INSIG1: variants seen among roughly 807,000 people sequenced by gnomAD.
INSIG1 encodes the protein insulin-induced gene 1 protein.
INSIG1 carries 14 observed loss-of-function variants against 26.5 expected under a neutral mutation model. The observed-to-expected ratio is 0.53, with a 90% CI of 0.35 to 0.83. INSIG1 has a LOEUF of 0.83. Ranked by LOEUF, INSIG1 falls within the 40% of genes least tolerant of loss-of-function variation. The pLI is 0.01. For missense variants in INSIG1, 272 were observed against 368.9 expected, an observed-to-expected ratio of 0.74 and a Z score of 2.15; for synonymous variants, 147 against 153.3, an observed-to-expected ratio of 0.96 and a Z score of 0.30.
chr7:155,303,335 G>T (rs1466524635), intron 5 of INSIG1, among the ~76,000 whole-genome samples: 1 of 152,232 alleles, frequency 6.6e-6, no homozygotes, highest in Non-Finnish European at 1.5e-5. Context: ...TGCAGAGTCT[G>T]TCTCGGGCCA....
At position 155,298,392 on chromosome 7, in the gene INSIG1, AGAT is replaced by A; in HGVS notation, c.111_113del (p.Met37del). 1 of 1,563,088 alleles carries A rather than the reference AGAT, an allele frequency of 6.4e-7. No homozygotes were observed. The highest frequency in any genetic ancestry group is 8.7e-7 in the Non-Finnish European group (1 of 1,155,584). ...GCGGGGCTGGCGGCCAAGGTTGGGG[AGAT>A]GATCAACGTTTCCGTGTCCGGGCCC... On this transcript the variant is annotated inframe_deletion, in exon 2 of 6. Coordinates refer to ENST00000340368, the MANE Select transcript of INSIG1 (RefSeq NM_005542.6).
chr7:155,298,294 A>T lies in INSIG1; in HGVS notation c.9A>T (p.Arg3Ser). Residue 3 changes from arginine (R) to serine (S), a missense_variant, in exon 2 of 6, where the codon AGA becomes AGT. This residue lies in a region of INSIG1 where 161 missense variants were observed against 179.2 expected (regional missense o/e 0.90). Coordinates refer to ENST00000340368, the MANE Select transcript of INSIG1 (RefSeq NM_005542.6). ...TTGGACGCGTGTGACCGATGCCCAG[A>T]TTGCACGACCACTTCTGGAGCTGCT... The part of the protein sequence containing the change: MP[R>S]LHDHFWSCSC... 6.7e-7 allele frequency: 1 copy of T among 1,487,314 alleles called. No individual in the cohort carries two copies. The highest frequency in any genetic ancestry group is 8.9e-7 in the Non-Finnish European group (1 of 1,124,526). The allele number at this position is 1,487,314 out of a possible 1,614,324, so 92.1% of individuals were successfully genotyped here.
intron 5 of INSIG1, chr7:155,303,976 CTTTTTTTTTTT>C: frequency 3.8e-6 from 1 of 261,568 alleles, no homozygotes; most frequent in Non-Finnish European, 6.7e-6. Flanking sequence ...CTTTGCTTGC[CTTTTTTTTTTT>C]TTTTTTTTTT....
chr7:155,298,433 GC>G lies in INSIG1; in HGVS notation c.151del (p.His51ThrfsTer17). Reference protein sequence around the residue: ...VSVSGPSLLAAHGAPDADPAP... With the variant: ...VSVSGPSLLAXHGAPDADPAP... Reference sequence around the variant, plus strand: ...CGTGTCCGGGCCCTCCCTGCTGGCGGCCCACGGTGCCCCGGACGCTGACCCC... The same window carrying G: ...CGTGTCCGGGCCCTCCCTGCTGGCGGCCACGGTGCCCCGGACGCTGACCCC... On this transcript the variant is annotated frameshift_variant, in exon 2 of 6. Coordinates refer to ENST00000340368, the MANE Select transcript of INSIG1 (RefSeq NM_005542.6). LOFTEE classifies it high-confidence loss of function. 6.4e-7 allele frequency: 1 copy of G among 1,554,474 alleles called. No homozygotes were observed.
At position 155,298,327 on chromosome 7, in the gene INSIG1, G is replaced by C; in HGVS notation, c.42G>C (p.Ala14=). 6.6e-7 allele frequency: 1 copy of C among 1,509,790 alleles called. No homozygotes were observed. Among genetic ancestry groups the C allele is most frequent in the South Asian group, 1.4e-5 (1 of 73,570 alleles). 93.5% of individuals were successfully genotyped at this position (1,509,790 alleles called of 1,614,324 possible). The part of the protein sequence containing the change: ...LHDHFWSCSC[A]HSARRRGPPR... Reference sequence around the variant, plus strand: ...ACCACTTCTGGAGCTGCTCCTGTGCGCACAGCGCGAGGCGCCGAGGCCCCC... The same window carrying C: ...ACCACTTCTGGAGCTGCTCCTGTGCCCACAGCGCGAGGCGCCGAGGCCCCC... Residue 14 remains alanine (A), a synonymous_variant, in exon 2 of 6, where the codon GCG becomes GCC. Transcript: ENST00000340368.
chr7:155,308,302 A>G lies in INSIG1; in HGVS notation c.*32A>G, dbSNP rs1390541708. The G allele has an allele frequency of 1.9e-6, 3 of 1,612,606 alleles. No individual in the cohort carries two copies. The African/African-American group carries it at 4.0e-5, about 22-fold the overall frequency. ...AAAACCACCGATTCTGAGAGCAAGGAAGATTTTGGAAGAAAATCTGACTGT... is the reference window on the plus strand; with the variant it reads ...AAAACCACCGATTCTGAGAGCAAGGGAGATTTTGGAAGAAAATCTGACTGT... On this transcript the variant is annotated 3_prime_UTR_variant, in exon 6 of 6. Transcript: ENST00000340368.
Position 155,308,750 on chromosome 7 carries a change from C to A in INSIG1, c.*480C>A, listed in dbSNP as rs368030807. The stretch of plus-strand genomic sequence containing the variant: ...ATAGGGCTGTGTTTAAAAAAAAAAA[C>A]AAAACAAGAAAAGCAGCAGTGATTA... On this transcript the variant is annotated 3_prime_UTR_variant, in exon 6 of 6. Transcript: ENST00000340368. 7.5e-4 allele frequency: 117 copies of A among 156,226 alleles called. No homozygotes were observed. The highest frequency in any genetic ancestry group is 4.3e-3 in the South Asian group (23 of 5,304). 9.7% of individuals were successfully genotyped at this position (156,226 alleles called of 1,614,324 possible).
intron 5 of INSIG1, among the ~76,000 whole-genome samples, chr7:155,306,197 G>A (rs552459223): frequency 2.6e-5 from 4 of 152,080 alleles, no homozygotes; most frequent in South Asian, 2.1e-4. Context: ...ACGGGGTTTC[G>A]CCACGTTGGC....
Position 155,302,529 on chromosome 7 carries a change from C to A in INSIG1, c.704+112C>A. On this transcript the variant is annotated intron_variant, in intron 4 of 5. Transcript: ENST00000340368. This position sits in a 1 kb window ranked among gnomAD's most constrained non-coding sequence, Gnocchi z 4.3. ...TATTTGTTTTTTATATAGAATGATACAGATTTAGGCATGAAATTCTCAAAA... is the reference window on the plus strand; with the variant it reads ...TATTTGTTTTTTATATAGAATGATAAAGATTTAGGCATGAAATTCTCAAAA... 8.6e-7 allele frequency: 1 copy of A among 1,165,624 alleles called. No homozygotes were observed. Among genetic ancestry groups the A allele is most frequent in the Non-Finnish European group, 1.2e-6 (1 of 849,396 alleles). The allele number at this position is 1,165,624 out of a possible 1,614,324, so 72.2% of individuals were successfully genotyped here.
rs146265737 is a variant in INSIG1 at position 155,300,872 on chromosome 7, C to T, written c.413-694C>T. Among the ~76,000 whole-genome samples, 89 of 152,306 alleles carry T rather than the reference C, an allele frequency of 5.8e-4. No homozygotes were observed. In the Middle Eastern group the frequency reaches 0.014, roughly 23 times the overall value. On this transcript the variant is annotated intron_variant, in intron 2 of 5. Transcript: ENST00000340368. ...TCTCTTCTTGGTCTGGTGTTCTTTC[C>T]GCAGCTTGAGGCTTGACCATGCGGG...
intron 5 of INSIG1, among the ~76,000 whole-genome samples, chr7:155,304,249 C>G (rs1263051029): frequency 3.3e-5 from 5 of 152,208 alleles, no homozygotes; most frequent in Non-Finnish European, 5.9e-5. Context: ...TAGGCGTGAG[C>G]CTGGCCTTGC....
rs551976650 is a variant in INSIG1 at position 155,298,235 on chromosome 7, A to T, written c.-27-24A>T. 63 of 1,427,508 alleles carry T rather than the reference A, an allele frequency of 4.4e-5. 1 individual carries two copies. The South Asian group carries it at 8.7e-4, about 20-fold the overall frequency. The allele number at this position is 1,427,508 out of a possible 1,614,324, so 88.4% of individuals were successfully genotyped here. A position where few individuals can be genotyped will look rare whatever the true frequency, so the allele number is the denominator to read the frequency against. ...CCTCGCTCTTTGTCTCTTCTGAGTG[A>T]ACTTGATGACCCCCTTCTTCCAGGA... On this transcript the variant is annotated intron_variant, in intron 1 of 5. Transcript: ENST00000340368.
chr7:155,304,871 C>T (rs1797892577), intron 5 of INSIG1, among the ~76,000 whole-genome samples: 1 of 151,944 alleles, frequency 6.6e-6, no homozygotes, highest in Non-Finnish European at 1.5e-5. Flanking sequence ...GGCGCGGTGG[C>T]TCACGCCTTT....
At chr7:155,303,975 C>CA in intron 5 of INSIG1, 1 of 387,494 alleles carries the variant, frequency 2.6e-6, no homozygotes, top group Non-Finnish European at 3.8e-6. Flanking sequence ...ACTTTGCTTG[C>CA]CTTTTTTTTT....
At chr7:155,304,312 T>A (rs1296230851) in intron 5 of INSIG1, among the ~76,000 whole-genome samples, 1 of 152,232 alleles carries the variant, frequency 6.6e-6, no homozygotes, top group Non-Finnish European at 1.5e-5. Context: ...AATAGTATGT[T>A]GTTTTCATGC....
rs1390345205 is a variant in INSIG1 at position 155,308,214 on chromosome 7, C to A, written c.805-27C>A. 3.3e-6 allele frequency: 4 copies of A among 1,222,210 alleles called. No homozygotes were observed. In the Admixed American group the frequency reaches 6.1e-5, roughly 19 times the overall value. 75.7% of individuals were successfully genotyped at this position (1,222,210 alleles called of 1,614,324 possible). A position where few individuals can be genotyped will look rare whatever the true frequency, so the allele number is the denominator to read the frequency against. ...TACATTTAGTGCTAATTTTCTCTTT[C>A]CTTTTTTTTTTCCTTTCTACACATA... On this transcript the variant is annotated intron_variant, in intron 5 of 5. Transcript: ENST00000340368.
At chr7:155,303,348 G>A (rs1447315113) in intron 5 of INSIG1, among the ~76,000 whole-genome samples, 1 of 152,256 alleles carries the variant, frequency 6.6e-6, no homozygotes, top group East Asian at 1.9e-4. Context: ...TCGGGCCAGG[G>A]CAGGGACTAA....
At chr7:155,301,204 C>G (rs984842206) in intron 2 of INSIG1, among the ~76,000 whole-genome samples, 6 of 152,310 alleles carry the variant, frequency 3.9e-5, no homozygotes, top group Admixed American at 1.3e-4. Flanking sequence ...GATGAAAAGA[C>G]AAGGTGAACT....
chr7:155,302,715 C>A lies in INSIG1; in HGVS notation c.705-32C>A. 7.0e-7 allele frequency: 1 copy of A among 1,426,816 alleles called. No homozygotes were observed. Among genetic ancestry groups the A allele is most frequent in the Non-Finnish European group, 9.9e-7 (1 of 1,010,818 alleles). The allele number at this position is 1,426,816 out of a possible 1,614,324, so 88.4% of individuals were successfully genotyped here. ...GTAGAATTGAGCCAGGTGAAATTGA[C>A]TGCTAAGGTACAGTTTCTTTTCTCG... On this transcript the variant is annotated intron_variant, in intron 4 of 5. Coordinates refer to ENST00000340368, the MANE Select transcript of INSIG1 (RefSeq NM_005542.6). The surrounding 1 kb of genome is among the most constrained non-coding windows in gnomAD (Gnocchi z 4.3).
Sources: allele counts gnomAD v4.1 joint callset (sites outside exome capture counted in the v4.1 genomes callset), GRCh38; gene constraint gnomAD v4.1.1; regional missense constraint gnomAD v4.1.1; non-coding constraint Gnocchi (gnomAD v3.1); transcripts MANE v1.5; gene names NCBI Gene and HGNC (gene_info 2026-07-23, HGNC 2026-07-21).